The following ARID1B variants were observed in gnomAD, a reference collection of about 807,000 sequenced individuals.
The protein encoded by ARID1B is AT-rich interaction domain 1B, also known as AT-rich interactive domain-containing protein 1B.
Under a neutral mutation model 212.3 loss-of-function variants are expected in ARID1B, and 30 were observed. The ratio of observed to expected loss-of-function variants is 0.14; its 90% CI spans 0.11 to 0.19. The LOEUF (loss-of-function observed/expected upper bound fraction) is 0.19, where lower values mean the gene tolerates loss of function less well. Among genes scored for constraint, ARID1B ranks in the 10% least tolerant of loss-of-function variants. The pLI is 1.00. For missense variants in ARID1B, 2,891 were observed against 3,204.0 expected, an observed-to-expected ratio of 0.90 and a Z score of 2.36; for synonymous variants, 1,402 against 1,301.7, an observed-to-expected ratio of 1.08 and a Z score of -1.66.
chr6:156,963,689 G>A (rs1293824043), intron 4 of ARID1B, among the ~76,000 whole-genome samples: 2 of 152,092 alleles, frequency 1.3e-5, no homozygotes, highest in African/African-American at 4.8e-5. Context: ...TCAAAACCAT[G>A]GAAGAGTTTG....
At chr6:157,145,354 A>G (rs1055240486) in intron 7 of ARID1B, among the ~76,000 whole-genome samples, 2 of 152,190 alleles carry the variant, frequency 1.3e-5, no homozygotes, top group Admixed American at 6.5e-5. Flanking sequence ...TGGGGGCTAC[A>G]GTGGCAGGAT....
chr6:156,962,277 C>T (rs1189939822), intron 4 of ARID1B, among the ~76,000 whole-genome samples: 5 of 151,960 alleles, frequency 3.3e-5, no homozygotes, highest in South Asian at 2.1e-4. Flanking sequence ...CCAGCCTGGG[C>T]GACAGGGCGA....
chr6:156,842,115 G>T (rs1005782228), intron 2 of ARID1B, among the ~76,000 whole-genome samples: 23 of 152,044 alleles, frequency 1.5e-4, no homozygotes, highest in African/African-American at 5.3e-4. Context: ...GAATTTTTTT[G>T]AGGGGAAATT....
At chr6:157,183,297 T>C (rs1792699451) in intron 12 of ARID1B, among the ~76,000 whole-genome samples, 2 of 151,916 alleles carry the variant, frequency 1.3e-5, no homozygotes, top group African/African-American at 4.8e-5. Flanking sequence ...TCCGGGAGCA[T>C]CCACAATTTA....
intron 2 of ARID1B, among the ~76,000 whole-genome samples, chr6:156,840,779 TTG>T (rs1783842480): frequency 1.3e-5 from 2 of 152,084 alleles, no homozygotes; most frequent in Non-Finnish European, 2.9e-5. Flanking sequence ...TCTTGCTGTC[TTG>T]CTGTGTCATG....
intron 4 of ARID1B, among the ~76,000 whole-genome samples, chr6:157,004,986 C>G (rs1779156964): frequency 7.7e-6 from 1 of 130,588 alleles, no homozygotes; most frequent in African/African-American, 2.8e-5. Flanking sequence ...AATCCCGACT[C>G]ACTGCAACCT....
At chr6:157,180,553 G>A (rs1426669416) in intron 11 of ARID1B, among the ~76,000 whole-genome samples, 1 of 152,088 alleles carries the variant, frequency 6.6e-6, no homozygotes, top group Non-Finnish European at 1.5e-5. Context: ...AAAAGTAGGA[G>A]TCCATTTAAT....
chr6:157,053,197 T>A (rs567885750), intron 4 of ARID1B, among the ~76,000 whole-genome samples: 61 of 152,238 alleles, frequency 4.0e-4, no homozygotes, highest in African/African-American at 1.5e-3. Flanking sequence ...GCAATTCTCG[T>A]GCCTCAGCCT....
intron 8 of ARID1B, chr6:157,150,471 A>T (rs988802933): frequency 1.3e-5 from 2 of 153,370 alleles, no homozygotes; most frequent in African/African-American, 4.8e-5. Flanking sequence ...GCTTTTACCA[A>T]AGTCAAAGCT....
chr6:157,174,722 A>G (rs1370099564), intron 10 of ARID1B, 125 bp from the exon 11 acceptor site: 1 of 250,134 alleles, frequency 4.0e-6, no homozygotes, highest in Non-Finnish European at 7.1e-6. Context: ...ATGTCTTTAT[A>G]TATATATATA....
intron 4 of ARID1B, among the ~76,000 whole-genome samples, chr6:157,080,469 T>C (rs1784571368): frequency 6.6e-6 from 1 of 152,234 alleles, no homozygotes; most frequent in Non-Finnish European, 1.5e-5. Context: ...GTACAATCTG[T>C]AGGCATGAGA....
At position 156,912,523 on chromosome 6, in the gene ARID1B, A is replaced by G. The variant is rs114389617; in HGVS notation, c.2136+10998A>G. 6.3e-3 allele frequency among the ~76,000 whole-genome samples: 954 copies of G among 152,298 alleles called. 14 individuals are homozygous for G. Among genetic ancestry groups the G allele is most frequent in the African/African-American group, 0.022 (905 of 41,548 alleles). ...AGTTGGTGACCACTGATGTTAGATCATCCTTGCCTTGTAGCTTTGCATTTC... is the reference window on the plus strand; with the variant it reads ...AGTTGGTGACCACTGATGTTAGATCGTCCTTGCCTTGTAGCTTTGCATTTC... On this transcript the variant is annotated intron_variant, in intron 3 of 19. Transcript: ENST00000636930.
At position 157,157,833 on chromosome 6, in the gene ARID1B, G is replaced by C. The variant is rs539644009; in HGVS notation, c.3089+8882G>C. ...AGGCCAGGAGTTCACAAGCAGCCTG[G>C]GCAACGTAGTGAGCCAGTCTTTACA... is the stretch of plus-strand genomic sequence containing the variant. On this transcript the variant is annotated intron_variant, in intron 8 of 19. Transcript: ENST00000636930. Among the ~76,000 whole-genome samples the C allele has an allele frequency of 1.6e-4, 24 of 152,280 alleles. No homozygotes were observed. In the South Asian group the frequency reaches 1.9e-3, roughly 12 times the overall value.
chr6:156,864,602 C>T (rs1785552553), intron 2 of ARID1B, among the ~76,000 whole-genome samples: 2 of 152,182 alleles, frequency 1.3e-5, no homozygotes, highest in African/African-American at 4.8e-5. Flanking sequence ...TGCCCACGTC[C>T]CCAGAGGCGT....
At chr6:156,964,301 G>T (rs1389215382) in intron 4 of ARID1B, among the ~76,000 whole-genome samples, 1 of 152,198 alleles carries the variant, frequency 6.6e-6, no homozygotes, top group Non-Finnish European at 1.5e-5. Flanking sequence ...CAGGTGCTAA[G>T]TCTCATTTTG....
Position 157,110,743 on chromosome 6 carries a change from G to A in ARID1B, c.2581+182G>A, listed in dbSNP as rs1304642883. On this transcript the variant is annotated intron_variant, in intron 6 of 19. Transcript: ENST00000636930. ...TGGAGAGGAGGGAGGATGCTTTCTT[G>A]TAGGTTGGGTGAAGTGTGGTCAAAG... is the stretch of plus-strand genomic sequence containing the variant. 6.3e-5 allele frequency: 41 copies of A among 649,670 alleles called. No homozygotes were observed. The East Asian group carries it at 1.1e-3, about 18-fold the overall frequency. 40.2% of individuals were successfully genotyped at this position (649,670 alleles called of 1,614,324 possible).
At chr6:157,046,658 G>T (rs1782262417) in intron 4 of ARID1B, among the ~76,000 whole-genome samples, 1 of 151,920 alleles carries the variant, frequency 6.6e-6, no homozygotes, top group African/African-American at 2.4e-5. Flanking sequence ...TGTTGTCTTG[G>T]GAAAAATAGA....
At chr6:156,909,545 G>A (rs1166520503) in intron 3 of ARID1B, among the ~76,000 whole-genome samples, 3 of 152,162 alleles carry the variant, frequency 2.0e-5, no homozygotes, top group Admixed American at 6.5e-5. Flanking sequence ...ATACCCTTCT[G>A]TATCATTCGT....
At chr6:156,940,673 T>C (rs758950935) in intron 4 of ARID1B, 3 of 152,270 alleles carry the variant, frequency 2.0e-5, no homozygotes. Flanking sequence ...TCTTAATCTT[T>C]AATGACACTT....
Sources: gnomAD v4.1 joint callset for allele counts (sites outside exome capture counted in the v4.1 genomes callset) on GRCh38, gnomAD v4.1.1 for gene constraint, MANE v1.5 for transcripts, NCBI Gene and HGNC (gene_info 2026-07-23, HGNC 2026-07-21) for gene names.